IFT74: variants seen among roughly 807,000 people sequenced by gnomAD.
IFT74 encodes intraflagellar transport 74.
A neutral mutation model predicts 96.7 loss-of-function variants in IFT74; 92 were observed. The ratio of observed to expected loss-of-function variants is 0.95; its 90% CI spans 0.80 to 1.13. The LOEUF is 1.13. IFT74 is among the 50% of genes most tolerant of loss of function. IFT74 has a pLI of 0.00. For synonymous variants in IFT74, 223 were observed against 213.2 expected, an observed-to-expected ratio of 1.05 and a Z score of -0.40; for missense variants, 811 against 698.2, an observed-to-expected ratio of 1.16 and a Z score of -1.82.
intron 6 of IFT74, among the ~76,000 whole-genome samples, chr9:26,987,386 G>A (rs1336576049): frequency 1.3e-5 from 2 of 152,080 alleles, no homozygotes; most frequent in African/African-American, 2.4e-5. Flanking sequence ...CACCGCGCCC[G>A]GCCGAGAAAA....
chr9:26,963,956 T>C (rs1343922044), intron 2 of IFT74, among the ~76,000 whole-genome samples: 1 of 152,004 alleles, frequency 6.6e-6, no homozygotes, highest in Non-Finnish European at 1.5e-5. Context: ...GTGCAGAAGC[T>C]CTTTAGTTTA....
chr9:27,017,093 G>A (rs528959248), intron 11 of IFT74, 43 bp downstream of exon 11: 112 of 1,542,450 alleles, frequency 7.3e-5, no homozygotes, highest in Admixed American at 1.6e-4. Flanking sequence ...TCTGGTTTTG[G>A]TACATGTATT....
chr9:26,976,468 G>C (rs1194028826), intron 2 of IFT74: 1 of 214,608 alleles, frequency 4.7e-6, no homozygotes, highest in Non-Finnish European at 9.4e-6. Context: ...CCATTGGCTG[G>C]GGTCGGACTG....
chr9:26,970,280 A>G (rs1475056450), intron 2 of IFT74, among the ~76,000 whole-genome samples: 2 of 152,208 alleles, frequency 1.3e-5, no homozygotes, highest in African/African-American at 2.4e-5. Context: ...GAGAAGTATC[A>G]GAGTTCCTTC....
At chr9:27,029,585 T>C (rs1587382806) in intron 13 of IFT74, among the ~76,000 whole-genome samples, 1 of 152,170 alleles carries the variant, frequency 6.6e-6, no homozygotes, top group East Asian at 1.9e-4. Context: ...ACATCTCTAC[T>C]AAAAATACAA....
intron 16 of IFT74, among the ~76,000 whole-genome samples, chr9:27,053,147 G>GC (rs74178371): frequency 1 from 141,221 of 141,224 alleles, 70,609 homozygotes; most frequent in Middle Eastern, 1. Flanking sequence ...ACAGGCGTGA[G>GC]CACCGCGCCT....
chr9:27,002,939 T>C (rs997273307), intron 8 of IFT74, among the ~76,000 whole-genome samples: 4 of 152,216 alleles, frequency 2.6e-5, no homozygotes, highest in Non-Finnish European at 4.4e-5. Flanking sequence ...TTTCCATTTT[T>C]TTTTGTATCC....
intron 13 of IFT74, among the ~76,000 whole-genome samples, chr9:27,035,599 G>A (rs1242384471): frequency 6.6e-6 from 1 of 152,186 alleles, no homozygotes; most frequent in African/African-American, 2.4e-5. Context: ...TCTGATTCAT[G>A]TTAAAGTTTT....
rs747223484 is a variant in IFT74 at position 27,056,421 on chromosome 9, C to G, written c.1585C>G (p.Leu529Val). ...GAAGCAAAACATAGAGTATGAGGCA[C>G]TAAAAACACAATTGCAAGAAAATGA... ...MEKQNIEYEA[L>V]KTQLQENETH... Residue 529 changes from leucine (L) to valine (V), a missense_variant, in exon 18 of 20, where the codon CTA becomes GTA. Coordinates refer to ENST00000380062, the MANE Select transcript of IFT74 (RefSeq NM_025103.4). The G allele has an allele frequency of 6.3e-7, 1 of 1,597,240 alleles. No homozygotes were observed. The highest frequency in any genetic ancestry group is 8.5e-7 in the Non-Finnish European group (1 of 1,173,504).
chr9:27,029,507 G>A (rs570079210), intron 13 of IFT74, among the ~76,000 whole-genome samples: 13 of 152,252 alleles, frequency 8.5e-5, no homozygotes, highest in Non-Finnish European at 1.6e-4. Flanking sequence ...CAGCATTTTG[G>A]GAAGCTGAGG....
intron 12 of IFT74, among the ~76,000 whole-genome samples, chr9:27,022,981 C>T (rs1028996645): frequency 1.3e-5 from 2 of 152,010 alleles, no homozygotes; most frequent in Non-Finnish European, 2.9e-5. Context: ...TGGTATATAG[C>T]GGTGCTACTG....
At chr9:26,954,771 C>T (rs915513442), upstream of IFT74, among the ~76,000 whole-genome samples, 1 of 151,830 alleles carries the variant, frequency 6.6e-6, no homozygotes, top group Non-Finnish European at 1.5e-5. Flanking sequence ...CACAAGTAGT[C>T]TTACAATAAA....
At chr9:26,999,331 A>G (rs1199139657) in intron 8 of IFT74, among the ~76,000 whole-genome samples, 3 of 152,186 alleles carry the variant, frequency 2.0e-5, no homozygotes, top group Non-Finnish European at 4.4e-5. Flanking sequence ...TTTTTAAAAA[A>G]AAGTTTCCTA....
intron 12 of IFT74, 87 bp from the exon 13 acceptor site, chr9:27,028,938 T>C: frequency 8.3e-7 from 1 of 1,205,414 alleles, no homozygotes; most frequent in Non-Finnish European, 1.2e-6. Flanking sequence ...TTTATGCAAC[T>C]TGGAAAAGAT....
chr9:26,973,036 TG>T (rs1311258541), intron 2 of IFT74, among the ~76,000 whole-genome samples: 2 of 152,108 alleles, frequency 1.3e-5, no homozygotes, highest in African/African-American at 4.8e-5. Flanking sequence ...TGTAAACCCT[TG>T]GGGTAAGACT....
At chr9:26,963,719 G>A (rs1264489989) in intron 2 of IFT74, among the ~76,000 whole-genome samples, 2 of 152,190 alleles carry the variant, frequency 1.3e-5, no homozygotes, top group Admixed American at 6.5e-5. Flanking sequence ...GTGATGATGA[G>A]CATTGTTTCA....
At chr9:26,997,337 T>TC (rs1407186996) in intron 8 of IFT74, among the ~76,000 whole-genome samples, 1 of 145,624 alleles carries the variant, frequency 6.9e-6, no homozygotes, top group East Asian at 2.0e-4. Flanking sequence ...TTCCTTTTTT[T>TC]TTTTTTTTTT....
intron 9 of IFT74, 71 bp from the exon 10 acceptor site, chr9:27,011,835 C>T (rs1482556514): frequency 3.0e-5 from 28 of 939,976 alleles, no homozygotes; most frequent in Non-Finnish European, 4.2e-5. Context: ...TTTCCCAGCT[C>T]CCTCCCCCCA....
At chr9:26,950,970 C>G (rs1348177329) in intron 1 of IFT74, among the ~76,000 whole-genome samples, 1 of 152,124 alleles carries the variant, frequency 6.6e-6, no homozygotes, top group Non-Finnish European at 1.5e-5. Flanking sequence ...TTCAGCAGTT[C>G]AAAGGTTTAA....
Sources: allele counts gnomAD v4.1 joint callset (sites outside exome capture counted in the v4.1 genomes callset), GRCh38; gene constraint gnomAD v4.1.1; transcripts MANE v1.5; gene names NCBI Gene and HGNC (gene_info 2026-07-23, HGNC 2026-07-21).